The following BRWD1 variants were observed in gnomAD, a reference collection of about 807,000 sequenced individuals.
The protein encoded by BRWD1 is bromodomain and WD repeat-containing protein 1.
BRWD1 carries 82 observed loss-of-function variants against 251.2 expected under a neutral mutation model. The ratio of observed to expected loss-of-function variants is 0.33; its 90% CI spans 0.27 to 0.39. The LOEUF is 0.39. Ranked by LOEUF, BRWD1 falls within the 10% of genes least tolerant of loss-of-function variation. The pLI is 1.00. For synonymous variants in BRWD1, 918 were observed against 902.8 expected (o/e 1.02, Z -0.30); for missense variants, 2,233 against 2,711.6 (o/e 0.82, Z 3.92).
chr21:39,202,252 A>T, intron 38 of BRWD1, 73 bp downstream of exon 38: 1 of 1,109,208 alleles, frequency 9.0e-7, no homozygotes, highest in Non-Finnish European at 1.3e-6. Flanking sequence ...ATTTTCCTCT[A>T]AATCTCTAGT....
chr21:39,247,256 T>C (rs2034226195), intron 21 of BRWD1, among the ~76,000 whole-genome samples: 1 of 152,176 alleles, frequency 6.6e-6, no homozygotes, highest in African/African-American at 2.4e-5. Flanking sequence ...GAGGTGACGA[T>C]GGCCCAACTC....
chr21:39,239,734 C>T (rs1330016569), intron 21 of BRWD1, among the ~76,000 whole-genome samples: 7 of 152,200 alleles, frequency 4.6e-5, no homozygotes, highest in African/African-American at 1.7e-4. Context: ...TGTGAATCTA[C>T]AGATGATGCT....
At chr21:39,256,423 G>T (rs1232631028) in intron 18 of BRWD1, among the ~76,000 whole-genome samples, 1 of 152,228 alleles carries the variant, frequency 6.6e-6, no homozygotes, top group African/African-American at 2.4e-5. Flanking sequence ...GCAAGTAGCT[G>T]TCAAGATGGT....
At position 39,188,403 on chromosome 21, in the gene BRWD1, A is replaced by C. The variant is rs2031364188; in HGVS notation, c.*7856T>G. 1 of 985,340 alleles carries C rather than the reference A, an allele frequency of 1.0e-6. No individual in the cohort carries two copies. Among genetic ancestry groups the C allele is most frequent in the South Asian group, 4.7e-5 (1 of 21,278 alleles). 61.0% of individuals were successfully genotyped at this position (985,340 alleles called of 1,614,324 possible). ...AGTTGATATCCTCCACCCACACTAGACATCTGGAGGACTCCACCACATTCT... is the reference window on the plus strand; with the variant it reads ...AGTTGATATCCTCCACCCACACTAGCCATCTGGAGGACTCCACCACATTCT... On this transcript the variant is annotated 3_prime_UTR_variant, in exon 41 of 41. Coordinates refer to ENST00000342449, the MANE Select transcript of BRWD1 (RefSeq NM_033656.4).
intron 7 of BRWD1, among the ~76,000 whole-genome samples, chr21:39,294,603 G>C (rs144126585): frequency 1.9e-4 from 28 of 151,048 alleles, no homozygotes; most frequent in African/African-American, 6.9e-4. Context: ...TGCAGTGAGC[G>C]GAGATTGCGC....
intron 25 of BRWD1, among the ~76,000 whole-genome samples, chr21:39,231,072 T>C (rs569748215): frequency 7.9e-4 from 121 of 152,280 alleles, no homozygotes; most frequent in Non-Finnish European, 1.4e-3. Context: ...GCCTAACTTA[T>C]ACAAGCAGAG....
intron 5 of BRWD1, chr21:39,296,909 A>C: frequency 1.0e-6 from 1 of 984,714 alleles, no homozygotes; most frequent in Non-Finnish European, 1.2e-6. Context: ...GATTTATATG[A>C]AAATTCATGA....
chr21:39,301,031 T>C (rs2146771211), intron 4 of BRWD1, among the ~76,000 whole-genome samples: 1 of 152,084 alleles, frequency 6.6e-6, no homozygotes, highest in Middle Eastern at 3.4e-3. Flanking sequence ...ACAAAAAAAT[T>C]AGCCAGGCGT....
chr21:39,275,729 T>C (rs1292326298), intron 12 of BRWD1, among the ~76,000 whole-genome samples: 1 of 151,962 alleles, frequency 6.6e-6, no homozygotes, highest in Non-Finnish European at 1.5e-5. Context: ...CAATTATTAG[T>C]CAACTAAAAA....
intron 4 of BRWD1, among the ~76,000 whole-genome samples, chr21:39,304,348 C>T (rs2036217065): frequency 6.6e-6 from 1 of 152,060 alleles, no homozygotes; most frequent in Admixed American, 6.6e-5. Context: ...CAGTGGCTCA[C>T]ACCTATAATC....
intron 4 of BRWD1, among the ~76,000 whole-genome samples, chr21:39,307,459 ATGTT>A (rs2036324956): frequency 1.3e-5 from 2 of 151,880 alleles, no homozygotes; most frequent in Non-Finnish European, 2.9e-5. Context: ...TTATGTATAT[ATGTT>A]TGTATGTATA....
chr21:39,283,802 C>G (rs932226944), intron 8 of BRWD1, among the ~76,000 whole-genome samples: 1 of 152,122 alleles, frequency 6.6e-6, no homozygotes, highest in Non-Finnish European at 1.5e-5. Context: ...GTTATGCCCC[C>G]TCAAGGCCAG....
chr21:39,285,418 G>A (rs1048194837), intron 8 of BRWD1, among the ~76,000 whole-genome samples: 4 of 152,142 alleles, frequency 2.6e-5, no homozygotes, highest in Admixed American at 1.3e-4. Context: ...ACACAGTAAG[G>A]TGAGTACAGC....
At position 39,312,785 on chromosome 21, in the gene BRWD1, C is replaced by CGGGGGCG. The variant is rs1324036598; in HGVS notation, c.198+49_198+55dup. 38 of 1,439,824 alleles carry CGGGGGCG rather than the reference C, an allele frequency of 2.6e-5. No individual in the cohort carries two copies. The East Asian group carries it at 5.1e-4, about 19-fold the overall frequency. 89.2% of individuals were successfully genotyped at this position (1,439,824 alleles called of 1,614,324 possible). ...CCGGGGTCCCCGCGAGGGGAAGGGG[C>CGGGGGCG]GGGGGCGGGGGGCGGTGCACGGAAA... On this transcript the variant is annotated intron_variant, in intron 4 of 40. Coordinates refer to ENST00000342449, the MANE Select transcript of BRWD1 (RefSeq NM_033656.4).
At chr21:39,215,215 C>A in intron 32 of BRWD1, 22 bp downstream of exon 32, 1 of 1,607,094 alleles carries the variant, frequency 6.2e-7, no homozygotes, top group Non-Finnish European at 8.5e-7. Context: ...CACTTTTACA[C>A]AACATCTATG....
intron 21 of BRWD1, among the ~76,000 whole-genome samples, chr21:39,241,473 TAAAAAAAAAAAAAAAAAA>T (rs61488970): frequency 2.4e-3 from 110 of 44,906 alleles, no homozygotes; most frequent in East Asian, 0.023. Context: ...ATCTCCAAAG[TAAAAAAAAAAAAAAAAAA>T]AAAAAAAAAA....
At chr21:39,229,161 C>G in intron 26 of BRWD1, 151 bp downstream of exon 26, 3 of 673,494 alleles carry the variant, frequency 4.5e-6, no homozygotes, top group Non-Finnish European at 7.4e-6. Flanking sequence ...GGATGGGTTT[C>G]CTAGCCATCA....
chr21:39,211,094 A>T (rs1232738244), intron 34 of BRWD1, among the ~76,000 whole-genome samples, 165 bp from the exon 35 acceptor site: 4 of 152,234 alleles, frequency 2.6e-5, no homozygotes, highest in African/African-American at 9.6e-5. Flanking sequence ...ATGAAACGTA[A>T]GTTATTTTCA....
At chr21:39,318,525 C>G (rs2036719799), upstream of BRWD1, among the ~76,000 whole-genome samples, 1 of 152,224 alleles carries the variant, frequency 6.6e-6, no homozygotes, top group Non-Finnish European at 1.5e-5. Context: ...CACTATACCA[C>G]AAACTGGATC....
Sources: gnomAD v4.1 joint callset for allele counts (sites outside exome capture counted in the v4.1 genomes callset) on GRCh38, gnomAD v4.1.1 for gene constraint, MANE v1.5 for transcripts, NCBI Gene and HGNC (gene_info 2026-07-23, HGNC 2026-07-21) for gene names.